SLK: variants seen among roughly 807,000 people sequenced by gnomAD.
SLK encodes the protein STE20 like kinase, also known as STE20-like serine/threonine-protein kinase.
A neutral mutation model predicts 147.7 loss-of-function variants in SLK; 67 were observed. That is an observed-to-expected ratio of 0.45 (90% CI 0.37 to 0.56). The LOEUF is 0.56. SLK is among the 20% of genes least tolerant of loss of function. SLK has a pLI of 0.00. For missense variants in SLK, 1,136 were observed against 1,438.8 expected (o/e 0.79, Z 3.41); for synonymous variants, 441 against 475.0 (o/e 0.93, Z 0.93).
chr10:104,002,074 A>T, intron 8 of SLK, 98 bp from the exon 9 acceptor site: 1 of 911,896 alleles, frequency 1.1e-6, no homozygotes, highest in Non-Finnish European at 1.6e-6. Flanking sequence ...AGCAACATTT[A>T]CTGAATAAAG....
At chr10:103,972,233 C>G (rs1348128957) in intron 1 of SLK, among the ~76,000 whole-genome samples, 1 of 152,164 alleles carries the variant, frequency 6.6e-6, no homozygotes, top group African/African-American at 2.4e-5. Context: ...GGCTCTTACA[C>G]AAAACGGTAG....
Position 103,970,980 on chromosome 10 carries a change from T to A in SLK, c.150+3085T>A, listed in dbSNP as rs1843784679. ...ATGTCATGTTAGCACTCAGAAAGTT[T>A]CAGATTTTGGAGCATTTCAGATTAG... On this transcript the variant is annotated intron_variant, in intron 1 of 18. Transcript: ENST00000369755. Among the ~76,000 whole-genome samples the A allele has an allele frequency of 2.0e-5, 3 of 152,302 alleles. No homozygotes were observed. The South Asian group carries it at 6.2e-4, about 32-fold the overall frequency.
intron 1 of SLK, among the ~76,000 whole-genome samples, chr10:103,984,473 G>T (rs1843987184): frequency 6.6e-6 from 1 of 152,136 alleles, no homozygotes; most frequent in South Asian, 2.1e-4. Flanking sequence ...GAGCGCAATG[G>T]TGCAATCTTG....
intron 13 of SLK, among the ~76,000 whole-genome samples, chr10:104,016,134 C>T (rs1182189828): frequency 2.6e-5 from 4 of 151,954 alleles, no homozygotes; most frequent in Non-Finnish European, 4.4e-5. Context: ...CTGGCTACCA[C>T]GGTGAAACCC....
intron 1 of SLK, among the ~76,000 whole-genome samples, chr10:103,970,796 T>C (rs151267813): frequency 1.5e-3 from 232 of 152,366 alleles, no homozygotes; most frequent in Admixed American, 4.6e-3. Flanking sequence ...AAGATTATAT[T>C]GTAAATAGAG....
At position 104,019,849 on chromosome 10, in the gene SLK, TG is replaced by T; in HGVS notation, c.3250del (p.Ala1084ProfsTer7). On this transcript the variant is annotated frameshift_variant, in exon 16 of 19. Transcript: ENST00000369755. LOFTEE classifies it high-confidence loss of function. ...KIQRSEAKTRMAMFKKSLRIN... is the reference protein window; with the variant it reads ...KIQRSEAKTRXAMFKKSLRIN... The stretch of plus-strand genomic sequence containing the variant: ...CAGCGCAGTGAAGCCAAGACTCGAA[TG>T]GCCATGTTTAAGAAGAGTTTGAGAA... The T allele has an allele frequency of 6.2e-7, 1 of 1,614,138 alleles. No homozygotes were observed. The highest frequency in any genetic ancestry group is 1.6e-4 in the Middle Eastern group (1 of 6,062).
At position 104,016,889 on chromosome 10, in the gene SLK, G is replaced by A. The variant is rs184758305; in HGVS notation, c.2878-1271G>A. Among the ~76,000 whole-genome samples, 10 of 152,278 alleles carry A rather than the reference G, an allele frequency of 6.6e-5. No individual in the cohort carries two copies. In the East Asian group the frequency reaches 9.6e-4, roughly 15 times the overall value. On this transcript the variant is annotated intron_variant, in intron 13 of 18. Coordinates refer to ENST00000369755, the MANE Select transcript of SLK (RefSeq NM_014720.4). ...GTTCTCGAGGATGTGCAAGAGGGGG[G>A]ATTGCAAGTGAAATTCTGCTTCAAT... is the stretch of plus-strand genomic sequence containing the variant.
In SLK at chr10:104,025,757, C is replaced by CA; in HGVS notation, c.*38dup. The CA allele has an allele frequency of 6.3e-7, 1 of 1,591,094 alleles. No individual in the cohort carries two copies. Among genetic ancestry groups the CA allele is most frequent in the Non-Finnish European group, 8.6e-7 (1 of 1,161,254 alleles). On this transcript the variant is annotated 3_prime_UTR_variant, in exon 19 of 19. Transcript: ENST00000369755. ...ATTCTGTGCGTGGGTTTGGCTCTTT[C>CA]AGTATGTCATTCTGTTCTCATCTTC...
chr10:104,011,059 A>G (rs1844393480), intron 13 of SLK, 151 bp downstream of exon 13: 1 of 468,500 alleles, frequency 2.1e-6, no homozygotes, highest in Admixed American at 4.0e-5. Context: ...TCTTTATTTA[A>G]TACTAAATTC....
intron 2 of SLK, among the ~76,000 whole-genome samples, chr10:103,992,159 T>C (rs867786419): frequency 5.0e-5 from 7 of 138,944 alleles, no homozygotes; most frequent in Admixed American, 1.5e-4. Flanking sequence ...TTTTTTTTTT[T>C]CTAAAAGAAG....
intron 1 of SLK, among the ~76,000 whole-genome samples, chr10:103,975,687 T>C (rs1323172226): frequency 6.6e-6 from 1 of 152,206 alleles, no homozygotes; most frequent in East Asian, 1.9e-4. Context: ...GTAGTAGTAA[T>C]TTGATCTTTT....
chr10:104,016,175 T>C lies in SLK; in HGVS notation c.2878-1985T>C, dbSNP rs187739779. ...CTACTAGAAAATACAAAAAATTAGC[T>C]GGGCGTGGTGGTGGGCGCCTGTAGT... On this transcript the variant is annotated intron_variant, in intron 13 of 18. Transcript: ENST00000369755. 9.9e-3 allele frequency among the ~76,000 whole-genome samples: 1,501 copies of C among 152,030 alleles called. 23 individuals carry two copies. Among genetic ancestry groups the C allele is most frequent in the African/African-American group, 0.031 (1,270 of 41,466 alleles).
rs965033276 is a variant in SLK at position 104,002,156 on chromosome 10, A to G, written c.994-16A>G. On this transcript the variant is annotated splice_polypyrimidine_tract_variant and intron_variant, in intron 8 of 18. Transcript: ENST00000369755. The stretch of plus-strand genomic sequence containing the variant: ...GGTCATGTTTTAACACTAAAAATAC[A>G]TTAAATCTTTTTTAGCCAATACCTG... 10 of 1,546,322 alleles carry G rather than the reference A, an allele frequency of 6.5e-6. No homozygotes were observed. In the Admixed American group the frequency reaches 1.8e-4, roughly 29 times the overall value.
chr10:104,011,031 C>T, intron 13 of SLK, 123 bp downstream of exon 13: 1 of 496,894 alleles, frequency 2.0e-6, no homozygotes, highest in Non-Finnish European at 3.4e-6. Context: ...TCTCCCCATT[C>T]AAAAACTCCT....
At chr10:103,996,146 T>G (rs1054943351) in intron 4 of SLK, among the ~76,000 whole-genome samples, 1 of 152,200 alleles carries the variant, frequency 6.6e-6, no homozygotes, top group African/African-American at 2.4e-5. Flanking sequence ...TACATAGTGA[T>G]AACAGTTGTA....
At position 104,027,531 on chromosome 10, in the gene SLK, GGAT is replaced by G. The variant is rs1564666855; in HGVS notation, c.*1818_*1820del. 1 of 152,414 alleles carries G rather than the reference GGAT, an allele frequency of 6.6e-6. No individual in the cohort carries two copies. The highest frequency in any genetic ancestry group is 1.5e-5 in the Non-Finnish European group (1 of 68,020). 9.4% of individuals were successfully genotyped at this position (152,414 alleles called of 1,614,324 possible). A position where few individuals can be genotyped will look rare whatever the true frequency, so the allele number is the denominator to read the frequency against. ...ATATATCTTTATAAAGTAATATTCA[GGAT>G]GATGATAAAAATTGTTTATATTGTT... On this transcript the variant is annotated 3_prime_UTR_variant, in exon 19 of 19. Transcript: ENST00000369755.
intron 11 of SLK, among the ~76,000 whole-genome samples, chr10:104,006,312 C>T (rs1844325342): frequency 1.3e-5 from 2 of 152,116 alleles, no homozygotes; most frequent in Non-Finnish European, 2.9e-5. Flanking sequence ...ACTTATGAAG[C>T]CAGTAAACAA....
chr10:103,980,787 G>C (rs929337871), intron 1 of SLK, among the ~76,000 whole-genome samples: 6 of 152,226 alleles, frequency 3.9e-5, no homozygotes, highest in Middle Eastern at 3.4e-3. Context: ...AGCTACGAAC[G>C]TGGGTGTACA....
At chr10:103,999,045 C>A in intron 5 of SLK, 74 bp downstream of exon 5, 1 of 1,540,936 alleles carries the variant, frequency 6.5e-7, no homozygotes, top group Non-Finnish European at 8.9e-7. Flanking sequence ...TTTTTGTCCA[C>A]ATAATTGATT....
Sources: gnomAD v4.1 joint callset for allele counts (sites outside exome capture counted in the v4.1 genomes callset) on GRCh38, gnomAD v4.1.1 for gene constraint, MANE v1.5 for transcripts, NCBI Gene and HGNC (gene_info 2026-07-23, HGNC 2026-07-21) for gene names.